ITGA1: variants seen among roughly 807,000 people sequenced by gnomAD.
ITGA1 encodes integrin subunit alpha 1.
ITGA1 carries 85 observed loss-of-function variants against 145.9 expected under a neutral mutation model. That is an observed-to-expected ratio of 0.58 (90% CI 0.49 to 0.70). The LOEUF (loss-of-function observed/expected upper bound fraction) is 0.70, where lower values mean the gene tolerates loss of function less well. Among genes scored for constraint, ITGA1 ranks in the 30% least tolerant of loss-of-function variants. The pLI is 0.00. For synonymous variants in ITGA1, 520 were observed against 495.3 expected, an observed-to-expected ratio of 1.05 and a Z score of -0.66; for missense variants, 1,351 against 1,418.7, an observed-to-expected ratio of 0.95 and a Z score of 0.77.
chr5:52,797,216 A>G (rs1392895290), intron 1 of ITGA1, among the ~76,000 whole-genome samples: 1 of 152,116 alleles, frequency 6.6e-6, no homozygotes, highest in Non-Finnish European at 1.5e-5. Context: ...CAGTTGTTTC[A>G]CATACAACAG....
intron 16 of ITGA1, among the ~76,000 whole-genome samples, chr5:52,919,313 C>T (rs1750698262): frequency 6.6e-6 from 1 of 152,114 alleles, no homozygotes; most frequent in African/African-American, 2.4e-5. Context: ...ACTGATATTG[C>T]AGAGAACCCT....
chr5:52,887,743 T>C, intron 7 of ITGA1, 72 bp from the exon 8 acceptor site: 2 of 1,436,826 alleles, frequency 1.4e-6, no homozygotes, highest in Non-Finnish European at 1.9e-6. Context: ...TCAGTGTTTT[T>C]GTTTAGTTTT....
At chr5:52,888,611 G>A (rs920829617) in intron 8 of ITGA1, among the ~76,000 whole-genome samples, 5 of 152,176 alleles carry the variant, frequency 3.3e-5, no homozygotes, top group Admixed American at 1.3e-4. Context: ...TAGACCTTTC[G>A]ACCTAAAATG....
At chr5:52,878,923 G>T (rs555828271) in intron 6 of ITGA1, among the ~76,000 whole-genome samples, 1 of 147,060 alleles carries the variant, frequency 6.8e-6, no homozygotes, top group Non-Finnish European at 1.5e-5. Context: ...GCAAATAAAT[G>T]ATTATAGTCA....
chr5:52,951,864 G>A (rs1012919987), intron 28 of ITGA1, among the ~76,000 whole-genome samples: 1 of 152,144 alleles, frequency 6.6e-6, no homozygotes, highest in South Asian at 2.1e-4. Context: ...ATTTTACTAG[G>A]GGTCATGGTG....
chr5:52,910,022 A>G, intron 13 of ITGA1, 140 bp from the exon 14 acceptor site: 1 of 772,320 alleles, frequency 1.3e-6, no homozygotes, highest in Non-Finnish European at 2.1e-6. Flanking sequence ...TCAGATAGGC[A>G]CACTTTTTAA....
At chr5:52,908,254 T>C (rs73754064) in intron 12 of ITGA1, among the ~76,000 whole-genome samples, 13,682 of 152,208 alleles carry the variant, frequency 0.09, 1,641 homozygotes, top group African/African-American at 0.28. Context: ...ATATTAAACA[T>C]AGAATAATAT....
At chr5:52,837,599 G>C (rs1479119843) in intron 1 of ITGA1, among the ~76,000 whole-genome samples, 1 of 151,946 alleles carries the variant, frequency 6.6e-6, no homozygotes, top group East Asian at 1.9e-4. Flanking sequence ...CACTAGTGTT[G>C]TGATTCTAAG....
Position 52,847,408 on chromosome 5 carries a change from A to C in ITGA1, c.62-1957A>C, listed in dbSNP as rs183291064. On this transcript the variant is annotated intron_variant, in intron 1 of 28. Transcript: ENST00000282588. Reference sequence around the variant, plus strand: ...GAGTGATTTAATCCACTCACAATTTATAAGACTAGGAAAGATAATTTTTCA... The same window carrying C: ...GAGTGATTTAATCCACTCACAATTTCTAAGACTAGGAAAGATAATTTTTCA... Among the ~76,000 whole-genome samples the C allele has an allele frequency of 2.3e-3, 350 of 152,346 alleles. 1 individual carries two copies. The highest frequency in any genetic ancestry group is 8.1e-3 in the African/African-American group (338 of 41,576).
At chr5:52,950,189 G>A (rs1037580446) in intron 28 of ITGA1, among the ~76,000 whole-genome samples, 2 of 152,108 alleles carry the variant, frequency 1.3e-5, no homozygotes, top group East Asian at 1.9e-4. Context: ...ACCACATGCC[G>A]GGGGAGATGC....
Position 52,864,743 on chromosome 5 carries a change from A to C in ITGA1, c.296-20A>C. 6.7e-7 allele frequency: 1 copy of C among 1,500,168 alleles called. No individual in the cohort carries two copies. The allele number at this position is 1,500,168 out of a possible 1,614,324, so 92.9% of individuals were successfully genotyped here. ...TTTGTGAAACTTTTCCTCCCTCATA[A>C]AATTTTGTTCTATTTTTAGTTAATA... On this transcript the variant is annotated intron_variant, in intron 3 of 28. Transcript: ENST00000282588.
intron 6 of ITGA1, among the ~76,000 whole-genome samples, chr5:52,877,814 G>C (rs988202204): frequency 2.6e-5 from 4 of 152,204 alleles, no homozygotes; most frequent in Admixed American, 2.0e-4. Flanking sequence ...ACCCTTGTGG[G>C]CTGAGACCCA....
chr5:52,939,985 C>T, intron 26 of ITGA1, 41 bp downstream of exon 26: 1 of 1,059,964 alleles, frequency 9.4e-7, no homozygotes, highest in Non-Finnish European at 1.5e-6. Flanking sequence ...TGAATAATAT[C>T]AATAAATATT....
At chr5:52,914,780 T>C (rs1348693793) in intron 14 of ITGA1, among the ~76,000 whole-genome samples, 1 of 152,190 alleles carries the variant, frequency 6.6e-6, no homozygotes, top group African/African-American at 2.4e-5. Context: ...CATGGGCTTC[T>C]GTTAAAAGCA....
chr5:52,920,285 C>T, intron 16 of ITGA1, 47 bp from the exon 17 acceptor site: 2 of 1,410,676 alleles, frequency 1.4e-6, no homozygotes, highest in African/African-American at 1.4e-5. Context: ...ATATGAGAAT[C>T]ACTTCAAATA....
chr5:52,798,515 G>A (rs1019352455), intron 1 of ITGA1, among the ~76,000 whole-genome samples: 1 of 152,170 alleles, frequency 6.6e-6, no homozygotes, highest in Non-Finnish European at 1.5e-5. Flanking sequence ...ACGTGCGCGG[G>A]GAAGACAGGT....
At chr5:52,868,086 T>A (rs13164431) in intron 6 of ITGA1, among the ~76,000 whole-genome samples, 10 of 151,858 alleles carry the variant, frequency 6.6e-5, no homozygotes, top group Non-Finnish European at 5.9e-5. Flanking sequence ...CATGATGTGC[T>A]TTCTTTCCTT....
In ITGA1 at chr5:52,915,555, A is replaced by G. The variant is rs1394387773; in HGVS notation, c.1949A>G (p.Asp650Gly). ...EMDLNGDGLTDVTIGGLGGAA... is the reference protein window; with the variant it reads ...EMDLNGDGLTGVTIGGLGGAA... ...GATTTAAATGGTGACGGTCTGACAG[A>G]TGTGACTATTGGGGGCCTTGGTGGT... Residue 650 changes from aspartate (D) to glycine (G), a missense_variant, in exon 15 of 29, where the codon GAT becomes GGT. By Grantham distance (94) the Asp-to-Gly change is moderately conservative. Transcript: ENST00000282588. 6.2e-7 allele frequency: 1 copy of G among 1,614,046 alleles called. No homozygotes were observed. Among genetic ancestry groups the G allele is most frequent in the Admixed American group, 1.7e-5 (1 of 60,018 alleles).
chr5:52,911,780 T>C (rs111206640), intron 14 of ITGA1, among the ~76,000 whole-genome samples: 3,884 of 27,574 alleles, frequency 0.14, 40 homozygotes, highest in Non-Finnish European at 0.17. Context: ...ATATACTATA[T>C]ATATAGTGTA....
Sources: allele counts gnomAD v4.1 joint callset (sites outside exome capture counted in the v4.1 genomes callset), GRCh38; gene constraint gnomAD v4.1.1; transcripts MANE v1.5; gene names NCBI Gene and HGNC (gene_info 2026-07-23, HGNC 2026-07-21).